Variants in FCHSD2 observed in about 807,000 individuals in gnomAD.
FCHSD2 encodes F-BAR and double SH3 domains protein 2.
In FCHSD2, 38 loss-of-function variants were observed where a neutral mutation model predicts 108.1. That is an observed-to-expected ratio of 0.35 (90% CI 0.27 to 0.46). The LOEUF (loss-of-function observed/expected upper bound fraction) is 0.46. FCHSD2 is among the 20% of genes least tolerant of loss of function. The pLI, the probability that FCHSD2 is intolerant of heterozygous loss-of-function variation, is 1.00. For synonymous variants in FCHSD2, 279 were observed against 314.7 expected (o/e 0.89, Z 1.20); for missense variants, 751 against 897.8 (o/e 0.84, Z 2.09).
rs779655586 is a variant in FCHSD2 at position 73,025,379 on chromosome 11, G to A, written c.166-9494C>T. Among the ~76,000 whole-genome samples the A allele has an allele frequency of 1.2e-4, 19 of 152,208 alleles. 1 individual carries two copies. The East Asian group carries it at 2.7e-3, about 22-fold the overall frequency. On this transcript the variant is annotated intron_variant, in intron 3 of 19. Coordinates refer to ENST00000409418, the MANE Select transcript of FCHSD2 (RefSeq NM_014824.3). ...CTGGAGGCCATTATCCTTTGCAAAC[G>A]AATGCAGGAAAAGAAAACCAAATAC...
intron 3 of FCHSD2, among the ~76,000 whole-genome samples, chr11:73,074,200 A>C (rs1165742864): frequency 6.6e-6 from 1 of 152,212 alleles, no homozygotes; most frequent in Non-Finnish European, 1.5e-5. Context: ...ACAGTGCTGG[A>C]GTGCAGTCAG....
intron 3 of FCHSD2, among the ~76,000 whole-genome samples, chr11:73,061,547 T>A (rs548580255): frequency 6.6e-6 from 1 of 152,294 alleles, no homozygotes; most frequent in African/African-American, 2.4e-5. Flanking sequence ...CCCAGCAAAC[T>A]AAGATCCACT....
intron 2 of FCHSD2, among the ~76,000 whole-genome samples, chr11:73,138,733 G>C (rs1018690008): frequency 6.6e-6 from 1 of 150,816 alleles, no homozygotes; most frequent in Non-Finnish European, 1.5e-5. Context: ...TCAGCCTCCT[G>C]AGTAGCTAGG....
chr11:72,930,810 G>A (rs1053419976), intron 8 of FCHSD2, among the ~76,000 whole-genome samples: 6 of 152,134 alleles, frequency 3.9e-5, no homozygotes, highest in South Asian at 2.1e-4. Flanking sequence ...AAGGGTAGTA[G>A]GGGTTGAGGA....
chr11:73,034,925 G>A (rs1454659088), intron 3 of FCHSD2, among the ~76,000 whole-genome samples: 1 of 152,072 alleles, frequency 6.6e-6, no homozygotes, highest in Non-Finnish European at 1.5e-5. Flanking sequence ...CCTTTAAAAA[G>A]GTCACTCCAC....
At chr11:73,031,218 C>G (rs1340972071) in intron 3 of FCHSD2, among the ~76,000 whole-genome samples, 1 of 152,112 alleles carries the variant, frequency 6.6e-6, no homozygotes, top group Non-Finnish European at 1.5e-5. Flanking sequence ...TGGCTCACAT[C>G]TGTAATTCTA....
At chr11:72,960,488 T>TG (rs2135371734) in intron 8 of FCHSD2, among the ~76,000 whole-genome samples, 1 of 152,352 alleles carries the variant, frequency 6.6e-6, no homozygotes, top group African/African-American at 2.4e-5. Flanking sequence ...GTCCATGTGC[T>TG]GTCATTCACT....
At position 72,838,830 on chromosome 11, in the gene FCHSD2, T is replaced by G. The variant is rs762680972; in HGVS notation, c.2184A>C (p.Pro728=). Residue 728 remains proline (P), a synonymous_variant, in exon 20 of 20, where the codon CCA becomes CCC. Coordinates refer to ENST00000409418, the MANE Select transcript of FCHSD2 (RefSeq NM_014824.3). ...PPPPTQNHRR[P]AEKIEDVEIT... is the part of the protein sequence containing the mutation. ...TTTCCACATCTTCAATCTTCTCTGC[T>G]GGCCTTCGGTGATTCTGTGTAGGTG... 1.2e-6 allele frequency: 2 copies of G among 1,608,362 alleles called. No homozygotes were observed. Among genetic ancestry groups the G allele is most frequent in the Admixed American group, 3.4e-5 (2 of 59,244 alleles).
chr11:73,034,552 C>T (rs915615464), intron 3 of FCHSD2, among the ~76,000 whole-genome samples: 2 of 152,182 alleles, frequency 1.3e-5, no homozygotes, highest in African/African-American at 2.4e-5. Context: ...CTTGTGAAAA[C>T]ATCTCAAGTT....
intron 8 of FCHSD2, among the ~76,000 whole-genome samples, chr11:72,982,878 T>C (rs1247845685): frequency 2.0e-5 from 3 of 152,102 alleles, no homozygotes; most frequent in African/African-American, 7.2e-5. Context: ...AAATAAAAAA[T>C]AGCCAAGCAC....
intron 12 of FCHSD2, among the ~76,000 whole-genome samples, chr11:72,882,587 CTTAA>C (rs993926930): frequency 4.6e-5 from 7 of 152,096 alleles, no homozygotes; most frequent in Non-Finnish European, 7.4e-5. Flanking sequence ...TGATAGATAT[CTTAA>C]TTACTCTAAT....
chr11:72,981,086 A>C (rs1294081140), intron 8 of FCHSD2, among the ~76,000 whole-genome samples: 1 of 152,220 alleles, frequency 6.6e-6, no homozygotes, highest in African/African-American at 2.4e-5. Context: ...AGCATGATTG[A>C]TAGGAGTTTT....
chr11:73,045,589 TA>T (rs1430944768), intron 3 of FCHSD2, among the ~76,000 whole-genome samples: 1 of 150,562 alleles, frequency 6.6e-6, no homozygotes, highest in Non-Finnish European at 1.5e-5. Context: ...TATGCAGCCA[TA>T]AAAAATGATG....
At chr11:73,096,502 G>C (rs1860080561) in intron 2 of FCHSD2, among the ~76,000 whole-genome samples, 1 of 152,026 alleles carries the variant, frequency 6.6e-6, no homozygotes, top group Admixed American at 6.6e-5. Flanking sequence ...AGTGAGCCGA[G>C]ATTGTGCTGC....
chr11:73,064,083 A>G (rs1859231830), intron 3 of FCHSD2, among the ~76,000 whole-genome samples: 2 of 151,706 alleles, frequency 1.3e-5, no homozygotes, highest in South Asian at 2.1e-4. Context: ...AAATCATAAC[A>G]GTCTCTCAGG....
Position 73,080,098 on chromosome 11 carries a change from A to G in FCHSD2, c.165+3597T>C, listed in dbSNP as rs1008964211. 3.3e-5 allele frequency among the ~76,000 whole-genome samples: 5 copies of G among 152,026 alleles called. No individual in the cohort carries two copies. In the East Asian group the frequency reaches 9.6e-4, roughly 29 times the overall value. On this transcript the variant is annotated intron_variant, in intron 3 of 19. Coordinates refer to ENST00000409418, the MANE Select transcript of FCHSD2 (RefSeq NM_014824.3). ...AGAATTACTTGAACCCAGGAGTTCGAGACCAGCCTGGGCAACATAGTAAGA... is the reference window on the plus strand; with the variant it reads ...AGAATTACTTGAACCCAGGAGTTCGGGACCAGCCTGGGCAACATAGTAAGA...
At chr11:73,109,394 T>G (rs1368193335) in intron 2 of FCHSD2, among the ~76,000 whole-genome samples, 1 of 152,246 alleles carries the variant, frequency 6.6e-6, no homozygotes, top group Non-Finnish European at 1.5e-5. Context: ...CCTCTTCAAT[T>G]TCTTTCATCA....
intron 8 of FCHSD2, among the ~76,000 whole-genome samples, chr11:72,922,800 A>G (rs146690834): frequency 4.2e-4 from 64 of 152,328 alleles, no homozygotes; most frequent in Non-Finnish European, 7.2e-4. Context: ...TTCACCCAAT[A>G]TAAGTCACCA....
At chr11:72,944,947 A>C (rs1253990389) in intron 8 of FCHSD2, among the ~76,000 whole-genome samples, 1 of 152,244 alleles carries the variant, frequency 6.6e-6, no homozygotes, top group African/African-American at 2.4e-5. Flanking sequence ...GGTAGGAAGA[A>C]TCAATATCGT....
Sources: allele counts gnomAD v4.1 joint callset (sites outside exome capture counted in the v4.1 genomes callset), GRCh38; gene constraint gnomAD v4.1.1; transcripts MANE v1.5; gene names NCBI Gene and HGNC (gene_info 2026-07-23, HGNC 2026-07-21).